SDK2: variants seen among roughly 807,000 people sequenced by gnomAD.
SDK2 encodes sidekick cell adhesion molecule 2, also known as protein sidekick-2.
A neutral mutation model predicts 253.9 loss-of-function variants in SDK2; 105 were observed. The observed-to-expected ratio is 0.41, with a 90% confidence interval of 0.35 to 0.49. SDK2 has a LOEUF of 0.49. Among genes scored for constraint, SDK2 ranks in the 20% least tolerant of loss-of-function variants. The probability of loss-of-function intolerance (pLI) is 0.06; values close to 1 mark genes in which losing one functional copy is unlikely to be tolerated. For synonymous variants in SDK2, 1,249 were observed against 1,234.9 expected (o/e 1.01, Z -0.24); for missense variants, 2,608 against 3,003.0 (o/e 0.87, Z 3.07).
At chr17:73,509,477 C>T (rs2145763959) in intron 1 of SDK2, among the ~76,000 whole-genome samples, 1 of 152,128 alleles carries the variant, frequency 6.6e-6, no homozygotes, top group South Asian at 2.1e-4. Context: ...ACCAGACAGC[C>T]TTCTTTTGGC....
intron 2 of SDK2, among the ~76,000 whole-genome samples, chr17:73,480,977 G>A (rs1242517719): frequency 6.6e-6 from 1 of 152,226 alleles, no homozygotes; most frequent in Non-Finnish European, 1.5e-5. Context: ...GAGAGTTGGT[G>A]ACAGGCACAG....
rs149552788 is a variant in SDK2 at position 73,559,025 on chromosome 17, G to C, written c.65-51428C>G. Among the ~76,000 whole-genome samples the C allele has an allele frequency of 4.9e-4, 75 of 152,278 alleles. No homozygotes were observed. The East Asian group carries it at 0.013, about 26-fold the overall frequency. On this transcript the variant is annotated intron_variant, in intron 1 of 44. Coordinates refer to ENST00000392650, the MANE Select transcript of SDK2 (RefSeq NM_001144952.2). ...AAACAAACGAAAGTTAGCTGAGATG[G>C]GAAAACCACCCATGGGAAGGAAAGA...
intron 1 of SDK2, among the ~76,000 whole-genome samples, chr17:73,559,011 A>G (rs925000933): frequency 2.6e-5 from 4 of 152,206 alleles, no homozygotes; most frequent in Non-Finnish European, 5.9e-5. Flanking sequence ...AACAAACGAA[A>G]GTTAGCTGAG....
chr17:73,461,777 G>T (rs2063563878), intron 3 of SDK2, among the ~76,000 whole-genome samples: 1 of 152,158 alleles, frequency 6.6e-6, no homozygotes, highest in Non-Finnish European at 1.5e-5. Flanking sequence ...TAGTGGTATG[G>T]CTGTTGTATG....
intron 2 of SDK2, among the ~76,000 whole-genome samples, chr17:73,489,118 C>T (rs2063788056): frequency 6.6e-6 from 1 of 152,122 alleles, no homozygotes; most frequent in African/African-American, 2.4e-5. Flanking sequence ...ATAGCAATAC[C>T]CTTGTCTCCA....
chr17:73,411,216 G>A (rs1036136780), intron 18 of SDK2, among the ~76,000 whole-genome samples: 3 of 152,206 alleles, frequency 2.0e-5, no homozygotes, highest in Admixed American at 6.5e-5. Context: ...GTGAAGCTGG[G>A]TCATTTCCAG....
At chr17:73,552,373 A>G (rs1441363612) in intron 1 of SDK2, among the ~76,000 whole-genome samples, 1 of 152,204 alleles carries the variant, frequency 6.6e-6, no homozygotes, top group Non-Finnish European at 1.5e-5. Flanking sequence ...TCATTTGTGA[A>G]ACATATTTGA....
At chr17:73,342,575 T>TACAG (rs1302826241) in intron 44 of SDK2, among the ~76,000 whole-genome samples, 1 of 152,228 alleles carries the variant, frequency 6.6e-6, no homozygotes, top group Non-Finnish European at 1.5e-5. Context: ...AGGTTCGGTC[T>TACAG]TTCCACCCAC....
intron 3 of SDK2, among the ~76,000 whole-genome samples, chr17:73,469,368 A>G (rs2063627774): frequency 6.6e-6 from 1 of 152,200 alleles, no homozygotes; most frequent in Non-Finnish European, 1.5e-5. Flanking sequence ...GGGGAAGCTC[A>G]GGGTACCCCC....
At chr17:73,409,967 G>T (rs949956789) in intron 18 of SDK2, among the ~76,000 whole-genome samples, 1 of 151,952 alleles carries the variant, frequency 6.6e-6, no homozygotes, top group African/African-American at 2.4e-5. Context: ...AATCCTCCCT[G>T]TCTTAGCCTC....
intron 1 of SDK2, among the ~76,000 whole-genome samples, chr17:73,590,719 A>G (rs1279171816): frequency 1.3e-5 from 2 of 152,176 alleles, no homozygotes; most frequent in African/African-American, 2.4e-5. Flanking sequence ...CTGTGCATGG[A>G]ATTGAGGCCC....
chr17:73,377,070 C>T lies in SDK2; in HGVS notation c.4980+2107G>A, dbSNP rs1196050993. 2.6e-5 allele frequency among the ~76,000 whole-genome samples: 4 copies of T among 152,300 alleles called. No homozygotes were observed. In the South Asian group the frequency reaches 8.3e-4, roughly 32 times the overall value. ...GGTGCCTTGCGTCTCTCCTACTCCC[C>T]ACTTAAGCCATGGCACTGGGGCTCT... On this transcript the variant is annotated intron_variant, in intron 36 of 44. Coordinates refer to ENST00000392650, the MANE Select transcript of SDK2 (RefSeq NM_001144952.2).
At chr17:73,586,063 G>A (rs911061225) in intron 1 of SDK2, among the ~76,000 whole-genome samples, 2 of 152,190 alleles carry the variant, frequency 1.3e-5, no homozygotes, top group Non-Finnish European at 2.9e-5. Context: ...GCATGCTTGT[G>A]TTATTCTTCC....
chr17:73,342,011 A>G (rs2062441280), intron 44 of SDK2, among the ~76,000 whole-genome samples: 1 of 152,024 alleles, frequency 6.6e-6, no homozygotes, highest in African/African-American at 2.4e-5. Flanking sequence ...GATTTTCTAA[A>G]GCCCACACAC....
At chr17:73,456,772 C>T (rs936343247) in intron 3 of SDK2, among the ~76,000 whole-genome samples, 17 of 152,196 alleles carry the variant, frequency 1.1e-4, no homozygotes, top group African/African-American at 3.4e-4. Flanking sequence ...AGAGGAGACG[C>T]GGGTAGGAAA....
In SDK2 at chr17:73,483,667, ATATATATATATATATT is replaced by A. The variant is rs1416583621; in HGVS notation, c.225-11465_225-11450del. ...TGTGTGTGTGTGTGTGTGTGTATAT[ATATATATATATATATT>A]TATATATATATATATATATATATAT... On this transcript the variant is annotated intron_variant, in intron 2 of 44. Transcript: ENST00000392650. Among the ~76,000 whole-genome samples, 59 of 64,930 alleles carry A rather than the reference ATATATATATATATATT, an allele frequency of 9.1e-4. 2 individuals are homozygous for A. The highest frequency in any genetic ancestry group is 3.2e-3 in the African/African-American group (51 of 15,892). The allele number at this position is 64,930 out of a possible 152,430, so 42.6% of individuals were successfully genotyped here.
chr17:73,444,945 T>C (rs984735557), intron 5 of SDK2, among the ~76,000 whole-genome samples: 1 of 152,238 alleles, frequency 6.6e-6, no homozygotes, highest in African/African-American at 2.4e-5. Context: ...ATGTGGCTGG[T>C]GTCCCTTTGA....
At chr17:73,438,178 G>A (rs2049221345) in intron 6 of SDK2, 24 bp from the exon 7 acceptor site, 2 of 1,542,248 alleles carry the variant, frequency 1.3e-6, no homozygotes, top group African/African-American at 1.4e-5. Context: ...GGGAAGGCCA[G>A]TGTTCAGCCA....
rs940932701 is a variant in SDK2, at chr17:73,511,747, T to C, written c.65-4150A>G. The stretch of plus-strand genomic sequence containing the variant: ...ACGCCCTACCTAGGACTCTGAGCAG[T>C]GACAGCTGATTTTCCTCCAGGACCT... On this transcript the variant is annotated intron_variant, in intron 1 of 44. Coordinates refer to ENST00000392650, the MANE Select transcript of SDK2 (RefSeq NM_001144952.2). This position sits in a 1 kb window ranked among gnomAD's most constrained non-coding sequence, Gnocchi z 4.9. 6.6e-6 allele frequency among the ~76,000 whole-genome samples: 1 copy of C among 152,130 alleles called. No individual in the cohort carries two copies. Among genetic ancestry groups the C allele is most frequent in the Non-Finnish European group, 1.5e-5 (1 of 67,996 alleles).
Sources: gnomAD v4.1 joint callset for allele counts (sites outside exome capture counted in the v4.1 genomes callset) on GRCh38, gnomAD v4.1.1 for gene constraint, Gnocchi (gnomAD v3.1) non-coding constraint, MANE v1.5 for transcripts, NCBI Gene and HGNC (gene_info 2026-07-23, HGNC 2026-07-21) for gene names.